The following GNAS variants were observed in gnomAD, a reference collection of about 807,000 sequenced individuals.
GNAS encodes GNAS complex locus.
In GNAS, 8 loss-of-function variants were observed where a neutral mutation model predicts 54.5. The ratio of observed to expected loss-of-function variants is 0.15; its 90% CI spans 0.09 to 0.26. The LOEUF is 0.26. Ranked by LOEUF, GNAS falls within the 10% of genes least tolerant of loss-of-function variation. The probability of loss-of-function intolerance (pLI) is 1.00; values close to 1 mark genes in which losing one functional copy is unlikely to be tolerated. For synonymous variants in GNAS, 204 were observed against 191.4 expected (o/e 1.07, Z -0.54); for missense variants, 170 against 529.8 (o/e 0.32, Z 6.67).
In GNAS at chr20:58,892,126, TCTCTCTTG is replaced by T. The variant is rs1011205713; in HGVS notation, c.139+267_139+274del. ...TCCCCCGGCCTGCCCGCTCAGTGTC[TCTCTCTTG>T]CTCTCGCTCTCGCTCTCCCCCTCTT... On this transcript the variant is annotated intron_variant, in intron 1 of 12. Transcript: ENST00000371085. 9.3e-6 allele frequency: 9 copies of T among 963,412 alleles called. No homozygotes were observed. In the African/African-American group the frequency reaches 1.4e-4, roughly 15 times the overall value. The allele number at this position is 963,412 out of a possible 1,614,324, so 59.7% of individuals were successfully genotyped here. A position where few individuals can be genotyped will look rare whatever the true frequency, so the allele number is the denominator to read the frequency against.
At chr20:58,876,270 A>C (rs1368746838) in intron 1 of GNAS, among the ~76,000 whole-genome samples, 1 of 152,168 alleles carries the variant, frequency 6.6e-6, no homozygotes, top group African/African-American at 2.4e-5. Flanking sequence ...CTAACACTCG[A>C]GTTTCCTTAT....
chr20:58,881,386 G>A (rs940691860), intron 1 of GNAS, among the ~76,000 whole-genome samples: 3 of 152,208 alleles, frequency 2.0e-5, no homozygotes, highest in African/African-American at 7.2e-5. Context: ...CTTGGCAGAA[G>A]ACAGGGATCC....
Position 58,892,895 on chromosome 20 carries a change from G to A in GNAS, c.139+1030G>A, listed in dbSNP as rs368180975. On this transcript the variant is annotated intron_variant, in intron 1 of 12. Transcript: ENST00000371085. Reference sequence around the variant, plus strand: ...GCCCCCCCCACCCACCACGAGCAGCGCCCCCCCAACACTATTTTAATAAAC... The same window carrying A: ...GCCCCCCCCACCCACCACGAGCAGCACCCCCCCAACACTATTTTAATAAAC... Among the ~76,000 whole-genome samples, 771 of 114,606 alleles carry A rather than the reference G, an allele frequency of 6.7e-3. 5 individuals are homozygous for A. The highest frequency in any genetic ancestry group is 0.022 in the South Asian group (80 of 3,618). 75.2% of individuals were successfully genotyped at this position (114,606 alleles called of 152,430 possible).
chr20:58,874,367 C>G (rs1041413709), intron 1 of GNAS, among the ~76,000 whole-genome samples: 3 of 152,224 alleles, frequency 2.0e-5, no homozygotes, highest in African/African-American at 7.2e-5. Flanking sequence ...CAGGATCTTT[C>G]AAGACTAAAA....
At chr20:58,892,000 T>C in intron 1 of GNAS, 135 bp downstream of exon 1, 1 of 725,490 alleles carries the variant, frequency 1.4e-6, no homozygotes, top group Non-Finnish European at 1.7e-6. Flanking sequence ...GCTCTGTCTG[T>C]GGGGGGCGAG....
chr20:58,891,705 C>T lies in GNAS; in HGVS notation c.-22C>T. 1 of 1,063,748 alleles carries T rather than the reference C, an allele frequency of 9.4e-7. No individual in the cohort carries two copies. The allele number at this position is 1,063,748 out of a possible 1,614,324, so 65.9% of individuals were successfully genotyped here. ...CCGCCGCCGCCGCAGCCCGGCCGCGCCCCGCCGCCGCCGCCGCCGCCATGG... is the reference window on the plus strand; with the variant it reads ...CCGCCGCCGCCGCAGCCCGGCCGCGTCCCGCCGCCGCCGCCGCCGCCATGG... On this transcript the variant is annotated 5_prime_UTR_variant, in exon 1 of 13. Coordinates refer to ENST00000371085, the MANE Select transcript of GNAS (RefSeq NM_000516.7).
chr20:58,879,089 CAGTG>C (rs1244302440), intron 1 of GNAS, among the ~76,000 whole-genome samples: 3 of 152,160 alleles, frequency 2.0e-5, no homozygotes, highest in African/African-American at 7.2e-5. Context: ...TTGAGAAACA[CAGTG>C]AGGTGATCAG....
chr20:58,886,243 A>T (rs781076720), intron 1 of GNAS, among the ~76,000 whole-genome samples: 2 of 152,194 alleles, frequency 1.3e-5, no homozygotes, highest in Non-Finnish European at 2.9e-5. Flanking sequence ...GAATGTTGGA[A>T]AGAAATGTTT....
intron 3 of GNAS, among the ~76,000 whole-genome samples, chr20:58,901,898 C>T (rs2090640907): frequency 2.1e-5 from 3 of 143,010 alleles, no homozygotes; most frequent in African/African-American, 2.6e-5. Context: ...CTCGTCTGCT[C>T]TTGCTAATTA....
Position 58,909,227 on chromosome 20 carries a change from C to A in GNAS, c.585+11C>A, listed in dbSNP as rs1435681259. 13 of 1,611,048 alleles carry A rather than the reference C, an allele frequency of 8.1e-6. No homozygotes were observed. Among genetic ancestry groups the A allele is most frequent in the Admixed American group, 1.7e-5 (1 of 60,000 alleles). On this transcript the variant is annotated intron_variant, in intron 7 of 12. Transcript: ENST00000371085. This position sits in a 1 kb window ranked among gnomAD's most constrained non-coding sequence, Gnocchi z 7.3. ...GTGCCGAGCGATCAGGTGTGCAAAACCCCTCCCCACCAGAGGACTCTGAGC... is the reference window on the plus strand; with the variant it reads ...GTGCCGAGCGATCAGGTGTGCAAAAACCCTCCCCACCAGAGGACTCTGAGC...
At chr20:58,896,969 A>G (rs963347303) in intron 2 of GNAS, among the ~76,000 whole-genome samples, 2 of 152,216 alleles carry the variant, frequency 1.3e-5, no homozygotes, top group African/African-American at 4.8e-5. Flanking sequence ...CTTTCAGAGC[A>G]AGGCAGGCAG....
chr20:58,891,173 G>A (rs2089220835), upstream of GNAS: 1 of 148,906 alleles, frequency 6.7e-6, no homozygotes, highest in Non-Finnish European at 1.5e-5. Flanking sequence ...CCGGCCGGGC[G>A]CGGGCGGAGG....
intron 1 of GNAS, chr20:58,895,246 G>A (rs930365466): frequency 4.8e-5 from 17 of 353,122 alleles, no homozygotes; most frequent in Middle Eastern, 9.6e-4. Flanking sequence ...CAGGGATTCA[G>A]TTTCACAGTT....
At chr20:58,851,262 A>G (rs1251127347) in intron 1 of GNAS, among the ~76,000 whole-genome samples, 1 of 152,142 alleles carries the variant, frequency 6.6e-6, no homozygotes, top group Non-Finnish European at 1.5e-5. Context: ...GGGTGCAAGG[A>G]TGCACGGTGC....
At chr20:58,844,605 A>G (rs2085870964) in intron 1 of GNAS, among the ~76,000 whole-genome samples, 1 of 152,106 alleles carries the variant, frequency 6.6e-6, no homozygotes, top group Non-Finnish European at 1.5e-5. Context: ...AGATGATCCT[A>G]TTTATCCCTT....
chr20:58,905,095 CTAAAT>C (rs1197821230), intron 5 of GNAS, among the ~76,000 whole-genome samples: 3 of 152,162 alleles, frequency 2.0e-5, no homozygotes, highest in South Asian at 4.1e-4. Flanking sequence ...TGTGAAGAAA[CTAAAT>C]TACTCAGTAG....
At chr20:58,906,223 T>C (rs1167235752) in intron 6 of GNAS, among the ~76,000 whole-genome samples, 1 of 152,188 alleles carries the variant, frequency 6.6e-6, no homozygotes, top group East Asian at 1.9e-4. Context: ...AAAGCATCTT[T>C]CTCCAAAGTC....
At chr20:58,860,730 C>T (rs541862713) in intron 1 of GNAS, among the ~76,000 whole-genome samples, 4 of 152,078 alleles carry the variant, frequency 2.6e-5, no homozygotes, top group Non-Finnish European at 4.4e-5. Flanking sequence ...GGTACTATCT[C>T]GGCTCACTGC....
intron 1 of GNAS, among the ~76,000 whole-genome samples, chr20:58,877,403 C>A (rs1479755107): frequency 6.6e-6 from 1 of 152,194 alleles, no homozygotes; most frequent in Non-Finnish European, 1.5e-5. Context: ...TACATGCTAG[C>A]TTCCCCCTTT....
Sources: allele counts gnomAD v4.1 joint callset (sites outside exome capture counted in the v4.1 genomes callset), GRCh38; gene constraint gnomAD v4.1.1; non-coding constraint Gnocchi (gnomAD v3.1); transcripts MANE v1.5; gene names NCBI Gene and HGNC (gene_info 2026-07-23, HGNC 2026-07-21).